DIAPH2: variants seen among roughly 807,000 people sequenced by gnomAD.
DIAPH2 encodes diaphanous related formin 2, also known as protein diaphanous homolog 2.
In DIAPH2, 35 loss-of-function variants were observed where a neutral mutation model predicts 92.7. The ratio of observed to expected loss-of-function variants is 0.38; its 90% CI spans 0.29 to 0.50. The LOEUF is 0.50. DIAPH2 is among the 20% of genes least tolerant of loss of function. DIAPH2 has a pLI of 0.94. For missense variants in DIAPH2, 701 were observed against 819.5 expected, an observed-to-expected ratio of 0.86 and a Z score of 1.77; for synonymous variants, 301 against 280.4, an observed-to-expected ratio of 1.07 and a Z score of -0.73.
At chrX:97,476,963 A>AT (rs1292557237) in intron 26 of DIAPH2, among the ~76,000 whole-genome samples, 7 of 59,116 alleles carry the variant, frequency 1.2e-4, no homozygotes, top group Non-Finnish European at 2.2e-4. Context: ...AAAAAAAAAA[A>AT]AAAAAATATA....
chrX:97,118,867 A>G (rs1370202120), intron 21 of DIAPH2, among the ~76,000 whole-genome samples: 2 of 112,414 alleles, frequency 1.8e-5, no homozygotes, highest in African/African-American at 6.5e-5. Context: ...TTTGTCAATT[A>G]CTAGCCAAAT....
intron 12 of DIAPH2, 130 bp downstream of exon 12, chrX:96,939,512 G>GTATATATA (rs1569431021): frequency 6.7e-5 from 3 of 44,626 alleles, no homozygotes; most frequent in African/African-American, 1.4e-4. Flanking sequence ...ATATATATAT[G>GTATATATA]TATGTATATA....
At chrX:97,252,011 ACCAAT>A (rs2068192765) in intron 23 of DIAPH2, among the ~76,000 whole-genome samples, 1 of 111,605 alleles carries the variant, frequency 9.0e-6, no homozygotes, top group African/African-American at 3.3e-5. Flanking sequence ...ATTTTTACTT[ACCAAT>A]CCTTGCTTCT....
intron 23 of DIAPH2, among the ~76,000 whole-genome samples, chrX:97,307,921 A>AG (rs1371396687): frequency 2.8e-5 from 3 of 109,055 alleles, no homozygotes; most frequent in African/African-American, 1.0e-4. Context: ...AAAAAAAAAA[A>AG]AAAAAGAAAA....
rs1189295267 is a variant in DIAPH2 at position 96,751,905 on chromosome X, G to A, written c.343-6249G>A. Reference sequence around the variant, plus strand: ...CCTGACCTCGTGATCCGCCCGCCTCGGCCTCCCAAAGTGCTGGTATTACAG... The same window carrying A: ...CCTGACCTCGTGATCCGCCCGCCTCAGCCTCCCAAAGTGCTGGTATTACAG... On this transcript the variant is annotated intron_variant, in intron 3 of 26. Transcript: ENST00000324765. Among the ~76,000 whole-genome samples, 5 of 97,280 alleles carry A rather than the reference G, an allele frequency of 5.1e-5. 1 individual carries two copies. The highest frequency in any genetic ancestry group is 1.4e-4 in the African/African-American group (4 of 28,654). 84.5% of individuals were successfully genotyped at this position (97,280 alleles called of 115,157 possible).
chrX:97,410,206 G>C (rs2069853919), intron 25 of DIAPH2, among the ~76,000 whole-genome samples: 1 of 112,105 alleles, frequency 8.9e-6, no homozygotes, highest in African/African-American at 3.2e-5. Flanking sequence ...CTGTTCTGCA[G>C]TGTTTGCTGT....
At chrX:97,279,782 A>G (rs2068481963) in intron 23 of DIAPH2, among the ~76,000 whole-genome samples, 1 of 111,448 alleles carries the variant, frequency 9.0e-6, no homozygotes, top group Admixed American at 9.6e-5. Flanking sequence ...GTGGCTGGTG[A>G]AAATAAGTGG....
intron 17 of DIAPH2, among the ~76,000 whole-genome samples, chrX:97,043,981 T>G (rs936768353): frequency 1.3e-4 from 15 of 112,335 alleles, no homozygotes; most frequent in African/African-American, 4.5e-4. Flanking sequence ...TTTAATTGCA[T>G]GCTTTTATAT....
chrX:97,127,735 G>C (rs953961262), intron 21 of DIAPH2, among the ~76,000 whole-genome samples: 1 of 112,508 alleles, frequency 8.9e-6, no homozygotes, highest in Non-Finnish European at 1.9e-5. Flanking sequence ...GGCCAGGTGC[G>C]GTGGCTCACG....
chrX:97,167,467 C>G (rs1280382673), intron 22 of DIAPH2, among the ~76,000 whole-genome samples: 1 of 111,481 alleles, frequency 9.0e-6, no homozygotes, highest in African/African-American at 3.3e-5. Context: ...CTACTGTACA[C>G]TCTTTCAAGA....
intron 17 of DIAPH2, among the ~76,000 whole-genome samples, chrX:97,028,081 G>T (rs139572705): frequency 0.074 from 8,301 of 111,434 alleles, 329 homozygotes; most frequent in Non-Finnish European, 0.11. Flanking sequence ...AAAATTAATT[G>T]CATTATAGAA....
rs1464210520 is a variant in DIAPH2 at position 97,114,869 on chromosome X, C to G, written c.2493C>G (p.Asn831Lys). Residue 831 changes from asparagine to lysine, a missense_variant, in exon 21 of 27, where the codon AAC becomes AAG. Coordinates refer to ENST00000324765, the MANE Select transcript of DIAPH2 (RefSeq NM_006729.5). ...CEELKKSESF[N>K]RLLELVLLVG... ...AACTGAAGAAAAGTGAAAGCTTTAA[C>G]AGACTTTTAGAGTTAGTTCTTCTTG... is the stretch of plus-strand genomic sequence containing the variant. The G allele has an allele frequency of 4.1e-6, 5 of 1,209,260 alleles. No homozygotes were observed. The African/African-American group carries it at 7.0e-5, about 17-fold the overall frequency.
At chrX:97,322,371 T>C (rs1452365437) in intron 23 of DIAPH2, among the ~76,000 whole-genome samples, 1 of 111,853 alleles carries the variant, frequency 8.9e-6, no homozygotes, top group Non-Finnish European at 1.9e-5. Context: ...CAAATATATT[T>C]TGCGAGGTGG....
chrX:96,880,817 C>G (rs956824944), intron 4 of DIAPH2, among the ~76,000 whole-genome samples: 1 of 111,279 alleles, frequency 9.0e-6, no homozygotes, highest in Admixed American at 9.6e-5. Flanking sequence ...ATATTTTCCT[C>G]CCAGCCTTTT....
At chrX:96,963,780 G>A (rs1300818090) in intron 16 of DIAPH2, among the ~76,000 whole-genome samples, 1 of 110,859 alleles carries the variant, frequency 9.0e-6, no homozygotes, top group African/African-American at 3.3e-5. Flanking sequence ...GGCCTTTTAT[G>A]GAGGATATGA....
chrX:97,162,114 T>C (rs1181565868), intron 22 of DIAPH2, among the ~76,000 whole-genome samples: 1 of 111,708 alleles, frequency 9.0e-6, no homozygotes, highest in African/African-American at 3.3e-5. Context: ...TATCAATTTC[T>C]TGAGAATTAT....
chrX:96,722,540 T>A (rs1173473436), intron 1 of DIAPH2, among the ~76,000 whole-genome samples: 1 of 111,444 alleles, frequency 9.0e-6, no homozygotes, highest in African/African-American at 3.3e-5. Flanking sequence ...TTGTTTGGGC[T>A]ACATTTAAAA....
chrX:96,895,480 C>G (rs1196686558), intron 5 of DIAPH2, among the ~76,000 whole-genome samples: 3 of 111,997 alleles, frequency 2.7e-5, no homozygotes, highest in Non-Finnish European at 1.9e-5. Flanking sequence ...GAACTCACAG[C>G]TGATTTGGAA....
intron 26 of DIAPH2, among the ~76,000 whole-genome samples, chrX:97,570,143 TAGA>T (rs2071360739): frequency 3.7e-5 from 3 of 80,108 alleles, no homozygotes; most frequent in African/African-American, 1.4e-4. Context: ...GATAGATAGA[TAGA>T]TAGATAGATA....
Sources: gnomAD v4.1 joint callset for allele counts (sites outside exome capture counted in the v4.1 genomes callset) on GRCh38, gnomAD v4.1.1 for gene constraint, MANE v1.5 for transcripts, NCBI Gene and HGNC (gene_info 2026-07-23, HGNC 2026-07-21) for gene names.